The following PRKG1 variants were observed in gnomAD, a reference collection of about 807,000 sequenced individuals.
PRKG1 encodes cGMP-dependent protein kinase 1.
A neutral mutation model predicts 88.1 loss-of-function variants in PRKG1; 35 were observed. The observed-to-expected ratio is 0.40, with a 90% CI of 0.30 to 0.53. The LOEUF (loss-of-function observed/expected upper bound fraction) is 0.53, where lower values mean the gene tolerates loss of function less well. PRKG1 is among the 20% of genes least tolerant of loss of function. PRKG1 has a pLI of 0.59. For synonymous variants in PRKG1, 303 were observed against 292.5 expected (o/e 1.04, Z -0.37); for missense variants, 540 against 839.8 (o/e 0.64, Z 4.41).
chr10:51,827,517 A>T (rs1255651983), intron 4 of PRKG1, among the ~76,000 whole-genome samples: 2 of 152,096 alleles, frequency 1.3e-5, no homozygotes, highest in African/African-American at 4.8e-5. Flanking sequence ...ATTTCTACAC[A>T]TAATGATTTA....
chr10:51,154,873 A>G (rs976986529), intron 2 of PRKG1, among the ~76,000 whole-genome samples: 3 of 152,042 alleles, frequency 2.0e-5, no homozygotes, highest in Non-Finnish European at 4.4e-5. Flanking sequence ...ATATGTGGAT[A>G]GTGAGCAGAA....
chr10:51,697,593 G>A (rs915872436), intron 3 of PRKG1: 2 of 1,101,210 alleles, frequency 1.8e-6, no homozygotes. Context: ...CTAGGAGGAG[G>A]GAAACCCTAA....
chr10:51,591,621 T>G (rs1291692500), intron 3 of PRKG1, among the ~76,000 whole-genome samples: 2 of 152,170 alleles, frequency 1.3e-5, no homozygotes, highest in Admixed American at 6.5e-5. Flanking sequence ...TATTCTGCAA[T>G]AAAATATTCA....
chr10:51,632,823 T>C (rs1016335501), intron 3 of PRKG1, among the ~76,000 whole-genome samples: 2 of 152,180 alleles, frequency 1.3e-5, no homozygotes, highest in African/African-American at 4.8e-5. Flanking sequence ...TGAAATTAAT[T>C]TGGAATATGG....
intron 7 of PRKG1, among the ~76,000 whole-genome samples, chr10:52,095,861 A>C (rs970261506): frequency 6.6e-6 from 1 of 152,166 alleles, no homozygotes; most frequent in African/African-American, 2.4e-5. Flanking sequence ...CTACGAATGT[A>C]ATGTACTTTC....
chr10:51,013,007 AGTCCT>A (rs999557248), intron 1 of PRKG1, among the ~76,000 whole-genome samples: 2 of 152,244 alleles, frequency 1.3e-5, no homozygotes, highest in Non-Finnish European at 2.9e-5. Flanking sequence ...CCAGAAAAAA[AGTCCT>A]GTAGCTGGAA....
intron 1 of PRKG1, among the ~76,000 whole-genome samples, chr10:51,119,224 A>G (rs1169169703): frequency 6.6e-6 from 1 of 152,102 alleles, no homozygotes; most frequent in African/African-American, 2.4e-5. Flanking sequence ...TGTCTTAGGT[A>G]AAGTAAACTA....
chr10:51,621,839 C>T (rs998606564), intron 3 of PRKG1, among the ~76,000 whole-genome samples: 5 of 152,114 alleles, frequency 3.3e-5, no homozygotes, highest in African/African-American at 7.2e-5. Flanking sequence ...AAAATTTAAT[C>T]GACTTGTTTC....
chr10:51,562,873 A>G (rs1350498390), intron 3 of PRKG1, among the ~76,000 whole-genome samples: 1 of 152,100 alleles, frequency 6.6e-6, no homozygotes, highest in Non-Finnish European at 1.5e-5. Flanking sequence ...GGGTCCAGTG[A>G]TCCTTTCACC....
At chr10:51,667,109 C>A (rs1021186733) in intron 3 of PRKG1, among the ~76,000 whole-genome samples, 3 of 152,078 alleles carry the variant, frequency 2.0e-5, no homozygotes, top group Non-Finnish European at 4.4e-5. Flanking sequence ...AAAATAATAT[C>A]TAATAACTAA....
intron 7 of PRKG1, among the ~76,000 whole-genome samples, chr10:52,114,989 C>T (rs753362560): frequency 3.3e-5 from 5 of 152,000 alleles, no homozygotes; most frequent in Non-Finnish European, 5.9e-5. Flanking sequence ...ATTACTGTCA[C>T]GCACACGAAA....
chr10:51,246,086 C>G (rs1468808544), intron 2 of PRKG1, among the ~76,000 whole-genome samples: 1 of 152,032 alleles, frequency 6.6e-6, no homozygotes, highest in African/African-American at 2.4e-5. Flanking sequence ...AGGAAGGGAG[C>G]AGCAAATTCA....
At chr10:51,811,537 C>A (rs1355124973) in intron 4 of PRKG1, among the ~76,000 whole-genome samples, 1 of 152,122 alleles carries the variant, frequency 6.6e-6, no homozygotes, top group African/African-American at 2.4e-5. Context: ...CTTCATTCTA[C>A]TGATGAGAGA....
intron 4 of PRKG1, among the ~76,000 whole-genome samples, chr10:51,900,268 A>G (rs1375326101): frequency 6.6e-6 from 1 of 152,216 alleles, no homozygotes; most frequent in Non-Finnish European, 1.5e-5. Flanking sequence ...GAGGTTTACG[A>G]TAATAGCCTT....
At chr10:51,507,964 A>G (rs1841275710) in intron 3 of PRKG1, among the ~76,000 whole-genome samples, 1 of 152,186 alleles carries the variant, frequency 6.6e-6, no homozygotes, top group Non-Finnish European at 1.5e-5. Flanking sequence ...AAATAACTCC[A>G]TGTCTAAAAC....
intron 1 of PRKG1, among the ~76,000 whole-genome samples, chr10:51,062,112 G>C (rs936365585): frequency 1.3e-5 from 2 of 152,088 alleles, no homozygotes; most frequent in Non-Finnish European, 2.9e-5. Flanking sequence ...GCTCCTGATG[G>C]GCAGGAAGAC....
intron 2 of PRKG1, among the ~76,000 whole-genome samples, chr10:51,420,459 G>T (rs957320183): frequency 6.6e-6 from 1 of 152,078 alleles, no homozygotes; most frequent in Non-Finnish European, 1.5e-5. Flanking sequence ...GCTTAATCAT[G>T]GTTGCACCAC....
At chr10:51,926,836 A>C (rs1206329003) in intron 5 of PRKG1, among the ~76,000 whole-genome samples, 1 of 141,496 alleles carries the variant, frequency 7.1e-6, no homozygotes, top group Non-Finnish European at 1.5e-5. Context: ...AAACCTCACG[A>C]TCAGCAATTC....
chr10:51,336,969 A>C (rs567037335), intron 2 of PRKG1, among the ~76,000 whole-genome samples: 3 of 152,328 alleles, frequency 2.0e-5, no homozygotes, highest in South Asian at 4.1e-4. Context: ...TCCAATCCAA[A>C]TGATCAAAGC....
Sources: allele counts gnomAD v4.1 joint callset (sites outside exome capture counted in the v4.1 genomes callset), GRCh38; gene constraint gnomAD v4.1.1; transcripts MANE v1.5; gene names NCBI Gene and HGNC (gene_info 2026-07-23, HGNC 2026-07-21).